The following GRM1 variants were observed in gnomAD, a reference collection of about 807,000 sequenced individuals.
The protein encoded by GRM1 is glutamate metabotropic receptor 1, also known as metabotropic glutamate receptor 1.
GRM1 carries 33 observed loss-of-function variants against 90.9 expected under a neutral mutation model. That is an observed-to-expected ratio of 0.36 (90% CI 0.28 to 0.49). The LOEUF is 0.49. GRM1 is among the 20% of genes least tolerant of loss of function. The probability of loss-of-function intolerance (pLI) is 0.99; values close to 1 mark genes in which losing one functional copy is unlikely to be tolerated. For missense variants in GRM1, 1,190 were observed against 1,534.3 expected, an observed-to-expected ratio of 0.78 and a Z score of 3.75; for synonymous variants, 700 against 613.2, an observed-to-expected ratio of 1.14 and a Z score of -2.09.
intron 1 of GRM1, among the ~76,000 whole-genome samples, chr6:146,066,521 T>A (rs1047429000): frequency 3.3e-5 from 5 of 152,156 alleles, no homozygotes; most frequent in Non-Finnish European, 7.3e-5. Context: ...GAACATATGG[T>A]TGCATGTGTC....
chr6:146,345,518 G>A (rs1274604046), intron 3 of GRM1, among the ~76,000 whole-genome samples: 7 of 152,148 alleles, frequency 4.6e-5, no homozygotes. Flanking sequence ...ATTTCACTCT[G>A]TATTTTCCCT....
At chr6:146,275,174 AGAGAAAAAC>A (rs1482185647) in intron 2 of GRM1, among the ~76,000 whole-genome samples, 1 of 126,912 alleles carries the variant, frequency 7.9e-6, no homozygotes, top group African/African-American at 4.7e-5. Flanking sequence ...ACTGACAGAG[AGAGAAAAAC>A]AAAACAAAAC....
chr6:146,411,814 T>C (rs1777578828), intron 7 of GRM1, among the ~76,000 whole-genome samples: 1 of 152,182 alleles, frequency 6.6e-6, no homozygotes, highest in Non-Finnish European at 1.5e-5. Context: ...TCAGGATTGT[T>C]GGGCTACAAG....
At chr6:146,146,250 G>A (rs543300716) in intron 1 of GRM1, among the ~76,000 whole-genome samples, 1 of 149,120 alleles carries the variant, frequency 6.7e-6, no homozygotes, top group African/African-American at 2.5e-5. Context: ...CACCACACCT[G>A]GCTAATTTTT....
intron 3 of GRM1, among the ~76,000 whole-genome samples, chr6:146,327,647 G>A (rs1389126724): frequency 2.0e-5 from 3 of 152,280 alleles, no homozygotes; most frequent in Non-Finnish European, 4.4e-5. Flanking sequence ...GGATCAAAGT[G>A]GAGTCAAGGC....
intron 2 of GRM1, among the ~76,000 whole-genome samples, chr6:146,190,016 G>C (rs1232437903): frequency 6.6e-6 from 1 of 152,206 alleles, no homozygotes; most frequent in East Asian, 1.9e-4. Flanking sequence ...TTAAGTTCGG[G>C]TATAGGGCCT....
intron 1 of GRM1, among the ~76,000 whole-genome samples, chr6:146,035,238 C>T (rs1158931312): frequency 6.6e-6 from 1 of 151,890 alleles, no homozygotes; most frequent in African/African-American, 2.4e-5. Context: ...GTGATTACAT[C>T]AGTCTTTATA....
intron 6 of GRM1, among the ~76,000 whole-genome samples, chr6:146,394,254 A>G (rs1776846927): frequency 6.6e-6 from 1 of 152,208 alleles, no homozygotes; most frequent in South Asian, 2.1e-4. Flanking sequence ...CAGTAGCTTA[A>G]TATAACTAAA....
intron 1 of GRM1, among the ~76,000 whole-genome samples, chr6:146,047,150 G>A (rs573054886): frequency 1.3e-5 from 2 of 152,062 alleles, no homozygotes; most frequent in South Asian, 2.1e-4. Context: ...ATGTCAGAGT[G>A]CTGAGAATGT....
In GRM1 at chr6:146,068,151, G is replaced by A. The variant is rs553405790; in HGVS notation, c.700+37934G>A. On this transcript the variant is annotated intron_variant, in intron 1 of 7. Coordinates refer to ENST00000282753, the MANE Select transcript of GRM1 (RefSeq NM_001278064.2). ...TTTTGAGACGGAGTCTTGCTCTGTC[G>A]TCCAGGCTGGAGTGCAGTGGCACGA... Among the ~76,000 whole-genome samples the A allele has an allele frequency of 8.2e-5, 12 of 145,714 alleles. No homozygotes were observed. In the East Asian group the frequency reaches 1.4e-3, roughly 17 times the overall value.
intron 1 of GRM1, among the ~76,000 whole-genome samples, chr6:146,139,298 T>TA (rs1281458528): frequency 2.6e-5 from 4 of 152,224 alleles, no homozygotes; most frequent in Non-Finnish European, 4.4e-5. Flanking sequence ...AGCCATTGGA[T>TA]AAAATGTTCT....
chr6:146,280,239 G>T (rs1782518397), intron 2 of GRM1, among the ~76,000 whole-genome samples: 1 of 151,958 alleles, frequency 6.6e-6, no homozygotes, highest in Non-Finnish European at 1.5e-5. Flanking sequence ...GAAAGCTGAG[G>T]TTAATGCAGA....
intron 1 of GRM1, among the ~76,000 whole-genome samples, chr6:146,057,121 GA>G (rs1300936165): frequency 6.6e-6 from 1 of 152,130 alleles, no homozygotes; most frequent in Non-Finnish European, 1.5e-5. Context: ...TTGATACACA[GA>G]GCCTAAGTCA....
chr6:146,064,522 T>A (rs1302622881), intron 1 of GRM1, among the ~76,000 whole-genome samples: 1 of 152,202 alleles, frequency 6.6e-6, no homozygotes, highest in East Asian at 1.9e-4. Flanking sequence ...CAAATCCATT[T>A]GGATTATTCT....
chr6:146,221,942 A>T (rs1305368173), intron 2 of GRM1, among the ~76,000 whole-genome samples: 2 of 152,100 alleles, frequency 1.3e-5, no homozygotes, highest in African/African-American at 2.4e-5. Flanking sequence ...TTTCTCAACC[A>T]TTTAAGAATG....
At chr6:146,297,945 A>C (rs1783239929) in intron 2 of GRM1, among the ~76,000 whole-genome samples, 1 of 152,044 alleles carries the variant, frequency 6.6e-6, no homozygotes, top group Non-Finnish European at 1.5e-5. Context: ...CAAATTACTG[A>C]AAACATACAG....
intron 3 of GRM1, among the ~76,000 whole-genome samples, chr6:146,328,459 T>A (rs1784473629): frequency 6.6e-6 from 1 of 152,172 alleles, no homozygotes; most frequent in South Asian, 2.1e-4. Flanking sequence ...CAAATTAACA[T>A]CTCTGGGCCT....
chr6:146,159,511 C>G lies in GRM1; in HGVS notation c.864C>G (p.Val288=). 1.2e-6 allele frequency: 2 copies of G among 1,614,154 alleles called. No individual in the cohort carries two copies. Among genetic ancestry groups the G allele is most frequent in the Non-Finnish European group, 1.7e-6 (2 of 1,180,012 alleles). Residue 288 remains valine (V), a synonymous_variant, in exon 2 of 8, where the codon GTC becomes GTG. Coordinates refer to ENST00000282753, the MANE Select transcript of GRM1 (RefSeq NM_001278064.2). The part of the protein sequence containing the change: ...RERLPKARVV[V]CFCEGMTVRG... ...GGCTTCCCAAGGCTAGAGTGGTGGT[C>G]TGCTTCTGTGAAGGCATGACAGTGC... is the stretch of plus-strand genomic sequence containing the variant.
At chr6:146,388,378 A>T (rs1298565837) in intron 6 of GRM1, among the ~76,000 whole-genome samples, 1 of 152,000 alleles carries the variant, frequency 6.6e-6, no homozygotes, top group African/African-American at 2.4e-5. Flanking sequence ...ATGGTTGGAC[A>T]TTTTTTTACT....
Sources: allele counts gnomAD v4.1 joint callset (sites outside exome capture counted in the v4.1 genomes callset), GRCh38; gene constraint gnomAD v4.1.1; transcripts MANE v1.5; gene names NCBI Gene and HGNC (gene_info 2026-07-23, HGNC 2026-07-21).